GPR89A: variants seen among roughly 807,000 people sequenced by gnomAD.
GPR89A encodes golgi pH regulator A, also known as G protein-coupled receptor 89A.
A neutral mutation model predicts 52.0 loss-of-function variants in GPR89A; 16 were observed. The ratio of observed to expected loss-of-function variants is 0.31; its 90% CI spans 0.21 to 0.47. The LOEUF is 0.47. Ranked by LOEUF, GPR89A falls within the 20% of genes least tolerant of loss-of-function variation. The pLI is 1.00. For missense variants in GPR89A, 135 were observed against 449.4 expected, an observed-to-expected ratio of 0.30 and a Z score of 6.33; for synonymous variants, 55 against 150.9, an observed-to-expected ratio of 0.36 and a Z score of 4.66.
At chr1:145,641,923 A>T (rs1650681874) in intron 7 of GPR89A, among the ~76,000 whole-genome samples, 1 of 152,136 alleles carries the variant, frequency 6.6e-6, no homozygotes, top group Non-Finnish European at 1.5e-5. Flanking sequence ...TAAATATATG[A>T]TCATTTCTTT....
Position 145,670,477 on chromosome 1 carries a change from G to A in GPR89A, c.*437G>A, listed in dbSNP as rs1190440168. ...AGAGACTGTAACACTTTTGCCTTACGTTCATTTTATCAAGCATAGCTTGGT... is the reference window on the plus strand; with the variant it reads ...AGAGACTGTAACACTTTTGCCTTACATTCATTTTATCAAGCATAGCTTGGT... On this transcript the variant is annotated 3_prime_UTR_variant, in exon 14 of 14. Transcript: ENST00000313835. 1 of 270,930 alleles carries A rather than the reference G, an allele frequency of 3.7e-6. No individual in the cohort carries two copies. Among genetic ancestry groups the A allele is most frequent in the Admixed American group, 5.1e-5 (1 of 19,678 alleles). 16.8% of individuals were successfully genotyped at this position (270,930 alleles called of 1,614,324 possible). A position where few individuals can be genotyped will look rare whatever the true frequency, so the allele number is the denominator to read the frequency against.
intron 7 of GPR89A, among the ~76,000 whole-genome samples, chr1:145,641,583 C>G (rs1329416460): frequency 6.6e-6 from 1 of 151,916 alleles, no homozygotes; most frequent in Non-Finnish European, 1.5e-5. Flanking sequence ...AAAGTAATGG[C>G]TGACTTCCTA....
At chr1:145,643,005 A>G (rs1479158279) in intron 7 of GPR89A, among the ~76,000 whole-genome samples, 4 of 150,232 alleles carry the variant, frequency 2.7e-5, no homozygotes, top group Admixed American at 1.3e-4. Flanking sequence ...AGGGTATTGG[A>G]CTTAGAGACT....
intron 7 of GPR89A, among the ~76,000 whole-genome samples, chr1:145,641,045 C>T (rs1311839289): frequency 6.6e-6 from 1 of 151,808 alleles, no homozygotes; most frequent in African/African-American, 2.4e-5. Context: ...AACTGGATCA[C>T]TCATACGTTG....
At chr1:145,647,797 C>A (rs1651109823) in intron 10 of GPR89A, among the ~76,000 whole-genome samples, 1 of 5,416 alleles carries the variant, frequency 1.8e-4, no homozygotes, top group Non-Finnish European at 2.9e-4. Context: ...GGGCGAGACT[C>A]CATCTCTCTC....
chr1:145,616,106 G>T, intron 1 of GPR89A, 128 bp from the exon 2 acceptor site: 1 of 671,440 alleles, frequency 1.5e-6, no homozygotes. Context: ...TTATAAGAGT[G>T]GATCTTATCT....
intron 10 of GPR89A, among the ~76,000 whole-genome samples, chr1:145,651,243 A>AT (rs1651426976): frequency 6.7e-6 from 1 of 148,334 alleles, no homozygotes; most frequent in African/African-American, 2.5e-5. Flanking sequence ...CATTTATTAA[A>AT]TAGGGAATCC....
intron 10 of GPR89A, among the ~76,000 whole-genome samples, chr1:145,661,741 A>T (rs1652219552): frequency 6.6e-6 from 1 of 151,390 alleles, no homozygotes; most frequent in African/African-American, 2.4e-5. Context: ...ATGGAAACTA[A>T]GATCATTGAT....
At chr1:145,661,986 A>T (rs1553695650) in intron 10 of GPR89A, among the ~76,000 whole-genome samples, 1 of 152,152 alleles carries the variant, frequency 6.6e-6, no homozygotes, top group Non-Finnish European at 1.5e-5. Context: ...ATGTGGTCTA[A>T]GAACATATTT....
intron 7 of GPR89A, among the ~76,000 whole-genome samples, chr1:145,635,025 T>C (rs587625817): frequency 2.0e-3 from 305 of 152,294 alleles, no homozygotes; most frequent in Middle Eastern, 6.8e-3. Context: ...ATTGCATGAG[T>C]ATTTTCACAT....
intron 10 of GPR89A, among the ~76,000 whole-genome samples, chr1:145,661,661 G>A (rs1652211226): frequency 6.7e-6 from 1 of 148,166 alleles, no homozygotes; most frequent in Admixed American, 6.8e-5. Flanking sequence ...CTATTTCATT[G>A]ATTTCTGCTC....
intron 1 of GPR89A, among the ~76,000 whole-genome samples, chr1:145,611,075 C>G (rs1437265524): frequency 9.2e-5 from 14 of 151,764 alleles, no homozygotes; most frequent in South Asian, 2.1e-4. Flanking sequence ...TTTGAAATTG[C>G]ATTTTGCTTC....
At chr1:145,621,065 A>G (rs1259237383) in intron 3 of GPR89A, among the ~76,000 whole-genome samples, 1 of 152,138 alleles carries the variant, frequency 6.6e-6, no homozygotes, top group Non-Finnish European at 1.5e-5. Context: ...CAATGTATCT[A>G]GTCTAAATGG....
intron 7 of GPR89A, among the ~76,000 whole-genome samples, chr1:145,637,437 CAT>C (rs1227939619): frequency 6.6e-6 from 1 of 151,618 alleles, no homozygotes; most frequent in African/African-American, 2.4e-5. Context: ...TGAGCAGAAA[CAT>C]TAGCTGCTGC....
At chr1:145,659,393 G>A (rs782278383) in intron 10 of GPR89A, among the ~76,000 whole-genome samples, 29 of 151,852 alleles carry the variant, frequency 1.9e-4, no homozygotes, top group Middle Eastern at 3.4e-3. Context: ...CACCATATTG[G>A]CCAGGCTGGT....
At chr1:145,659,977 G>T (rs1441014442) in intron 10 of GPR89A, among the ~76,000 whole-genome samples, 1 of 151,542 alleles carries the variant, frequency 6.6e-6, no homozygotes, top group Non-Finnish European at 1.5e-5. Flanking sequence ...TCCTTGAAGA[G>T]GTCCTTCACA....
In GPR89A at chr1:145,608,115, G is replaced by T; in HGVS notation, c.-19G>T. 1 of 1,613,690 alleles carries T rather than the reference G, an allele frequency of 6.2e-7. No homozygotes were observed. The highest frequency in any genetic ancestry group is 8.5e-7 in the Non-Finnish European group (1 of 1,179,816). ...CGGGGAGTGGGAAGTGGAGGCAGGAGCCTTCCTTACACTTCGCCATGAGTT... is the reference window on the plus strand; with the variant it reads ...CGGGGAGTGGGAAGTGGAGGCAGGATCCTTCCTTACACTTCGCCATGAGTT... On this transcript the variant is annotated 5_prime_UTR_variant, in exon 1 of 14. Transcript: ENST00000313835.
intron 3 of GPR89A, among the ~76,000 whole-genome samples, chr1:145,621,714 A>G (rs1553688158): frequency 6.6e-6 from 1 of 152,032 alleles, no homozygotes; most frequent in African/African-American, 2.4e-5. Flanking sequence ...AGAATATATA[A>G]AGAATTCTTA....
chr1:145,648,720 A>G (rs186971673), intron 10 of GPR89A, among the ~76,000 whole-genome samples: 18 of 151,458 alleles, frequency 1.2e-4, no homozygotes, highest in South Asian at 4.2e-4. Context: ...AGCTCAGGCA[A>G]TCTGCCCGTC....
Sources: allele counts gnomAD v4.1 joint callset (sites outside exome capture counted in the v4.1 genomes callset), GRCh38; gene constraint gnomAD v4.1.1; transcripts MANE v1.5; gene names NCBI Gene and HGNC (gene_info 2026-07-23, HGNC 2026-07-21).